The following DENND1A variants were observed in gnomAD, a reference collection of about 807,000 sequenced individuals.
DENND1A encodes DENN domain-containing protein 1A.
DENND1A carries 51 observed loss-of-function variants against 113.7 expected under a neutral mutation model. The ratio of observed to expected loss-of-function variants is 0.45; its 90% CI spans 0.36 to 0.57. DENND1A has a LOEUF of 0.57. Ranked by LOEUF, DENND1A falls within the 20% of genes least tolerant of loss-of-function variation. The pLI is 0.00. For synonymous variants in DENND1A, 565 were observed against 570.8 expected, an observed-to-expected ratio of 0.99 and a Z score of 0.14; for missense variants, 1,258 against 1,395.9, an observed-to-expected ratio of 0.90 and a Z score of 1.57.
chr9:123,461,068 CCT>C (rs1162323692), intron 13 of DENND1A, among the ~76,000 whole-genome samples: 1 of 152,228 alleles, frequency 6.6e-6, no homozygotes, highest in Non-Finnish European at 1.5e-5. Flanking sequence ...TGTCACTTTG[CCT>C]CTGCTCTTCC....
At chr9:123,809,141 T>C (rs147079554) in intron 2 of DENND1A, among the ~76,000 whole-genome samples, 18 of 152,320 alleles carry the variant, frequency 1.2e-4, no homozygotes, top group African/African-American at 3.8e-4. Flanking sequence ...ATGGTTTCTA[T>C]TATCTTCAGC....
At chr9:123,815,993 CTTT>C (rs1170659580) in intron 2 of DENND1A, among the ~76,000 whole-genome samples, 17 of 79,780 alleles carry the variant, frequency 2.1e-4, no homozygotes, top group South Asian at 7.3e-4. Context: ...AGTGACTGTA[CTTT>C]TTTTTTTTTT....
chr9:123,638,537 T>C (rs2061840105), intron 9 of DENND1A, among the ~76,000 whole-genome samples: 1 of 152,146 alleles, frequency 6.6e-6, no homozygotes, highest in South Asian at 2.1e-4. Context: ...TGGTGCAATC[T>C]TGGCTCACTG....
intron 1 of DENND1A, among the ~76,000 whole-genome samples, chr9:123,922,058 A>C (rs920195667): frequency 2.0e-5 from 3 of 151,850 alleles, no homozygotes; most frequent in Non-Finnish European, 2.9e-5. Flanking sequence ...TCAGCCTCCC[A>C]AGTAGCTGGG....
intron 13 of DENND1A, among the ~76,000 whole-genome samples, chr9:123,488,036 C>T (rs1411300349): frequency 6.6e-6 from 1 of 152,232 alleles, no homozygotes; most frequent in Non-Finnish European, 1.5e-5. Flanking sequence ...CAGCAGCTCC[C>T]ACAGGGTGTC....
At chr9:123,459,455 T>A (rs1028752256) in intron 13 of DENND1A, among the ~76,000 whole-genome samples, 1 of 152,056 alleles carries the variant, frequency 6.6e-6, no homozygotes, top group East Asian at 1.9e-4. Flanking sequence ...TACTATCCAA[T>A]CGATTTTATG....
At chr9:123,597,303 T>C (rs572449137) in intron 11 of DENND1A, among the ~76,000 whole-genome samples, 4 of 152,302 alleles carry the variant, frequency 2.6e-5, no homozygotes, top group African/African-American at 9.6e-5. Flanking sequence ...CAGAGTGAAC[T>C]TATCTTGCGG....
intron 21 of DENND1A, among the ~76,000 whole-genome samples, chr9:123,389,105 T>G (rs114648853): frequency 4.8e-4 from 73 of 152,316 alleles, no homozygotes; most frequent in African/African-American, 1.7e-3. Context: ...AAAAAGGACA[T>G]GAGAACCACA....
chr9:123,753,745 G>C (rs939647331), intron 5 of DENND1A, among the ~76,000 whole-genome samples: 5 of 152,192 alleles, frequency 3.3e-5, no homozygotes, highest in Admixed American at 2.6e-4. Context: ...TACCCCTGAA[G>C]AGTTGACCTT....
chr9:123,903,070 C>A (rs1851978868), intron 1 of DENND1A, among the ~76,000 whole-genome samples: 1 of 152,032 alleles, frequency 6.6e-6, no homozygotes, highest in Non-Finnish European at 1.5e-5. Context: ...CGGTGGCTCA[C>A]ACCTGTAATC....
intron 13 of DENND1A, chr9:123,462,038 T>C (rs2048570958): frequency 6.6e-6 from 1 of 152,138 alleles, no homozygotes; most frequent in Non-Finnish European, 1.5e-5. Flanking sequence ...GAAGGGTGAA[T>C]AGGACTTAGG....
intron 9 of DENND1A, 67 bp from the exon 10 acceptor site, chr9:123,630,543 G>GCAATA (rs2061432756): frequency 1.8e-6 from 2 of 1,089,484 alleles, no homozygotes; most frequent in South Asian, 3.9e-5. Context: ...TTTGATTTCA[G>GCAATA]CAATACAATT....
At chr9:123,615,450 C>T (rs1399003677) in intron 10 of DENND1A, among the ~76,000 whole-genome samples, 1 of 152,198 alleles carries the variant, frequency 6.6e-6, no homozygotes, top group Non-Finnish European at 1.5e-5. Flanking sequence ...AACCTGCTCC[C>T]TAAGGGCTGG....
At chr9:123,514,463 G>T (rs1169402833) in intron 13 of DENND1A, among the ~76,000 whole-genome samples, 3 of 152,100 alleles carry the variant, frequency 2.0e-5, no homozygotes, top group African/African-American at 7.2e-5. Flanking sequence ...AGCCTGAGGT[G>T]AGGAAGTAGA....
chr9:123,409,461 C>T (rs540494747), intron 20 of DENND1A, among the ~76,000 whole-genome samples: 6 of 151,506 alleles, frequency 4.0e-5, no homozygotes, highest in South Asian at 2.1e-4. Context: ...GGAAGTATCA[C>T]GCAAATATTC....
intron 5 of DENND1A, among the ~76,000 whole-genome samples, chr9:123,681,379 C>A (rs1426024126): frequency 6.6e-6 from 1 of 151,848 alleles, no homozygotes; most frequent in Non-Finnish European, 1.5e-5. Context: ...GAATGCTGTC[C>A]GTGATAGGAA....
chr9:123,781,993 C>G (rs372225438), intron 3 of DENND1A, among the ~76,000 whole-genome samples: 1 of 152,126 alleles, frequency 6.6e-6, no homozygotes, highest in East Asian at 1.9e-4. Context: ...TCGCTTGAAC[C>G]TGGGAGACAG....
At chr9:123,735,344 C>G (rs911823703) in intron 5 of DENND1A, among the ~76,000 whole-genome samples, 1 of 152,140 alleles carries the variant, frequency 6.6e-6, no homozygotes, top group Non-Finnish European at 1.5e-5. Flanking sequence ...GAGTCCTTAT[C>G]TCTGAATGTC....
intron 20 of DENND1A, among the ~76,000 whole-genome samples, chr9:123,407,842 T>A (rs1179530399): frequency 6.6e-6 from 1 of 152,138 alleles, no homozygotes; most frequent in African/African-American, 2.4e-5. Context: ...ACTGAGTACA[T>A]TTGATTTTAA....
Sources: allele counts gnomAD v4.1 joint callset (sites outside exome capture counted in the v4.1 genomes callset), GRCh38; gene constraint gnomAD v4.1.1; transcripts MANE v1.5; gene names NCBI Gene and HGNC (gene_info 2026-07-23, HGNC 2026-07-21).